ESRRG: variants seen among roughly 807,000 people sequenced by gnomAD.
ESRRG encodes estrogen-related receptor gamma.
In ESRRG, 13 loss-of-function variants were observed where a neutral mutation model predicts 44.0. The ratio of observed to expected loss-of-function variants is 0.30; its 90% confidence interval spans 0.19 to 0.47. The LOEUF is 0.47. ESRRG is among the 20% of genes least tolerant of loss of function. ESRRG has a pLI of 1.00. For synonymous variants in ESRRG, 215 were observed against 214.6 expected (o/e 1.00, Z -0.02); for missense variants, 395 against 580.6 (o/e 0.68, Z 3.29).
intron 2 of ESRRG, among the ~76,000 whole-genome samples, chr1:216,790,127 G>A (rs2094269381): frequency 6.6e-6 from 1 of 152,130 alleles, no homozygotes; most frequent in Non-Finnish European, 1.5e-5. Context: ...CCATCAGGCT[G>A]GATCTCCTAA....
At chr1:216,804,268 C>T (rs2813668) in intron 2 of ESRRG, among the ~76,000 whole-genome samples, 125,453 of 152,052 alleles carry the variant, frequency 0.83, 52,239 homozygotes, top group Non-Finnish European at 0.89. Flanking sequence ...AACCCCGGGC[C>T]GGCAGCCAAG....
chr1:216,768,500 A>G (rs1415674095), intron 2 of ESRRG, among the ~76,000 whole-genome samples: 1 of 128,174 alleles, frequency 7.8e-6, no homozygotes, highest in African/African-American at 3.2e-5. Flanking sequence ...CTATCTATCT[A>G]TATTTTAGAG....
intron 3 of ESRRG, among the ~76,000 whole-genome samples, chr1:216,584,492 G>A (rs569772079): frequency 9.2e-5 from 14 of 152,066 alleles, no homozygotes; most frequent in South Asian, 4.1e-4. Context: ...TCCTGACCTC[G>A]TGATCCACCC....
chr1:216,938,564 G>A lies in ESRRG; in HGVS notation c.-14+1018C>T, dbSNP rs142107640. 1.6e-4 allele frequency among the ~76,000 whole-genome samples: 25 copies of A among 152,282 alleles called. 1 individual carries two copies. The highest frequency in any genetic ancestry group is 5.5e-4 in the African/African-American group (23 of 41,578). On this transcript the variant is annotated intron_variant, in intron 2 of 7. Coordinates refer to the ESRRG transcript ENST00000359162. ...TAAGCAACCTGGGTGCCATGAAAAA[G>A]GTAATTCAACTTCTAAAGTGCCATT... is the stretch of plus-strand genomic sequence containing the variant.
intron 3 of ESRRG, among the ~76,000 whole-genome samples, chr1:216,627,818 A>T (rs201601839): frequency 6.6e-6 from 1 of 151,316 alleles, no homozygotes; most frequent in Non-Finnish European, 1.5e-5. Flanking sequence ...TAAGAAGTTT[A>T]TTTTTTTTTT....
intron 5 of ESRRG, among the ~76,000 whole-genome samples, chr1:216,521,594 C>T (rs191994672): frequency 6.4e-4 from 98 of 152,272 alleles, no homozygotes; most frequent in African/African-American, 1.9e-3. Flanking sequence ...GCCCGCAGCA[C>T]CTTCCTGTGA....
chr1:216,850,663 T>A (rs1051968284), intron 2 of ESRRG, among the ~76,000 whole-genome samples: 3 of 152,106 alleles, frequency 2.0e-5, no homozygotes. Flanking sequence ...AAATTAAAGG[T>A]AGCAGAGTTT....
At chr1:217,102,517 G>T (rs948910725) in intron 1 of ESRRG, among the ~76,000 whole-genome samples, 2 of 152,146 alleles carry the variant, frequency 1.3e-5, no homozygotes, top group Admixed American at 1.3e-4. Flanking sequence ...TCTCCATTGC[G>T]TACTGCCTGG....
chr1:216,729,871 C>G (rs1408644594), intron 2 of ESRRG, among the ~76,000 whole-genome samples: 1 of 152,160 alleles, frequency 6.6e-6, no homozygotes, highest in African/African-American at 2.4e-5. Flanking sequence ...CCCAAAAACT[C>G]AATTTCTTCA....
Position 216,757,658 on chromosome 1 carries a change from A to G in ESRRG, c.-13-80167T>C, listed in dbSNP as rs117913558. Among the ~76,000 whole-genome samples the G allele has an allele frequency of 7.6e-4, 116 of 152,174 alleles. 3 individuals are homozygous for G. In the East Asian group the frequency reaches 0.02, roughly 27 times the overall value. On this transcript the variant is annotated intron_variant, in intron 2 of 7. Transcript: ENST00000359162. ...AAAAATCCAAAGGCAAAAAGCTTGAAGTAGTAAATTTACAATCTAACAACC... is the reference window on the plus strand; with the variant it reads ...AAAAATCCAAAGGCAAAAAGCTTGAGGTAGTAAATTTACAATCTAACAACC...
chr1:216,816,722 T>G (rs1302040049), intron 2 of ESRRG, among the ~76,000 whole-genome samples: 3 of 152,170 alleles, frequency 2.0e-5, no homozygotes, highest in Non-Finnish European at 2.9e-5. Flanking sequence ...AAAATCTCAT[T>G]GAAGGGAAGA....
chr1:216,696,867 G>A (rs2080266115), intron 1 of ESRRG, among the ~76,000 whole-genome samples: 1 of 151,994 alleles, frequency 6.6e-6, no homozygotes. Flanking sequence ...CTAATGTACA[G>A]AAATGTTGAG....
At chr1:216,817,951 G>A (rs1225581431) in intron 2 of ESRRG, among the ~76,000 whole-genome samples, 2 of 151,652 alleles carry the variant, frequency 1.3e-5, no homozygotes, top group Non-Finnish European at 2.9e-5. Context: ...ATGCATATGA[G>A]GTCTGACTGT....
At chr1:217,067,645 A>G (rs764122291) in intron 1 of ESRRG, among the ~76,000 whole-genome samples, 3 of 152,214 alleles carry the variant, frequency 2.0e-5, no homozygotes, top group Non-Finnish European at 4.4e-5. Flanking sequence ...ATCAACTTGA[A>G]GATTTCAGAG....
At chr1:217,118,154 G>T (rs1380543763) in intron 1 of ESRRG, among the ~76,000 whole-genome samples, 2 of 152,112 alleles carry the variant, frequency 1.3e-5, no homozygotes, top group Non-Finnish European at 2.9e-5. Context: ...TCATCCATGT[G>T]GGGAAACTCA....
intron 1 of ESRRG, among the ~76,000 whole-genome samples, chr1:217,066,898 CAG>C (rs1366953656): frequency 3.9e-5 from 6 of 152,188 alleles, no homozygotes; most frequent in Non-Finnish European, 8.8e-5. Context: ...GAATGAACTA[CAG>C]ACGTAAGTTC....
At chr1:217,113,331 G>T (rs995402751) in intron 1 of ESRRG, among the ~76,000 whole-genome samples, 9 of 152,172 alleles carry the variant, frequency 5.9e-5, no homozygotes, top group African/African-American at 1.9e-4. Context: ...TTTCAGAATT[G>T]CTGTGGATCA....
rs371890933 is a variant in ESRRG at position 216,834,437 on chromosome 1, A to C, written c.-14+105145T>G. On this transcript the variant is annotated intron_variant, in intron 2 of 7. Coordinates refer to the ESRRG transcript ENST00000359162. ...AATAAATACAATAAAATAAAAAATC[A>C]ACATAACTCTACCCGTAATATAAAG... Among the ~76,000 whole-genome samples, 4 of 152,080 alleles carry C rather than the reference A, an allele frequency of 2.6e-5. No homozygotes were observed. In the East Asian group the frequency reaches 5.8e-4, roughly 22 times the overall value.
chr1:217,087,607 C>T (rs2092157088), intron 1 of ESRRG, among the ~76,000 whole-genome samples: 1 of 152,130 alleles, frequency 6.6e-6, no homozygotes, highest in African/African-American at 2.4e-5. Context: ...ATACCATGCA[C>T]GAGGACTTTG....
Sources: gnomAD v4.1 joint callset for allele counts (sites outside exome capture counted in the v4.1 genomes callset) on GRCh38, gnomAD v4.1.1 for gene constraint, MANE v1.5 for transcripts, NCBI Gene and HGNC (gene_info 2026-07-23, HGNC 2026-07-21) for gene names.